CHKA: variants seen among roughly 807,000 people sequenced by gnomAD.
CHKA encodes the protein choline kinase alpha, also known as CHETK-alpha.
CHKA carries 34 observed loss-of-function variants against 60.1 expected under a neutral mutation model. The observed-to-expected ratio is 0.57, with a 90% confidence interval of 0.43 to 0.75. The LOEUF (loss-of-function observed/expected upper bound fraction) is 0.75, where lower values mean the gene tolerates loss of function less well. Ranked by LOEUF, CHKA falls within the 30% of genes least tolerant of loss-of-function variation. The pLI is 0.00. For missense variants in CHKA, 563 were observed against 561.3 expected, an observed-to-expected ratio of 1.00 and a Z score of -0.03; for synonymous variants, 217 against 223.1, an observed-to-expected ratio of 0.97 and a Z score of 0.24.
Position 68,121,112 on chromosome 11 carries a change from G to A in CHKA, c.66C>T (p.Cys22=). ...EPSPLGLLLS[C]GSGSAAPAPG... Reference sequence around the variant, plus strand: ...GCGCCGGGGCCGCGCTGCCGCTACCGCAGCTCAGCAGCAGCCCGAGCGGCG... The same window carrying A: ...GCGCCGGGGCCGCGCTGCCGCTACCACAGCTCAGCAGCAGCCCGAGCGGCG... The change falls in exon 1 of 12, where the codon TGC becomes TGT. Residue 22 remains cysteine, a synonymous_variant. Transcript: ENST00000265689. 3 of 1,176,684 alleles carry A rather than the reference G, an allele frequency of 2.5e-6. No homozygotes were observed. Among genetic ancestry groups the A allele is most frequent in the Non-Finnish European group, 3.2e-6 (3 of 950,340 alleles). The allele number at this position is 1,176,684 out of a possible 1,614,324, so 72.9% of individuals were successfully genotyped here.
chr11:68,081,716 G>A (rs909895292), intron 2 of CHKA: 3 of 379,530 alleles, frequency 7.9e-6, no homozygotes, highest in South Asian at 3.6e-5. Flanking sequence ...TCTCACAGCC[G>A]CCCCATGTAC....
At chr11:68,064,117 G>C (rs1856353759) in intron 10 of CHKA, among the ~76,000 whole-genome samples, 1 of 152,186 alleles carries the variant, frequency 6.6e-6, no homozygotes, top group Non-Finnish European at 1.5e-5. Context: ...CGATTAAAAA[G>C]AAGCTCCTAG....
chr11:68,106,317 A>T (rs558188982), intron 1 of CHKA, among the ~76,000 whole-genome samples: 42 of 152,232 alleles, frequency 2.8e-4, no homozygotes, highest in Non-Finnish European at 5.1e-4. Context: ...TCAGGAGGTC[A>T]AGGTGAAAGG....
rs561045165 is a variant in CHKA at position 68,054,922 on chromosome 11, G to T, written c.1315-875C>A. Among the ~76,000 whole-genome samples, 281 of 152,324 alleles carry T rather than the reference G, an allele frequency of 1.8e-3. 2 individuals carry two copies. Among genetic ancestry groups the T allele is most frequent in the Middle Eastern group, 6.8e-3 (2 of 294 alleles). On this transcript the variant is annotated intron_variant, in intron 11 of 11. Transcript: ENST00000265689. ...GCACATAAATGCCACTATACAATAT[G>T]CAGCCTCGTGTCTGGCTTCTCACTC...
At chr11:68,095,192 C>T (rs184178587) in intron 2 of CHKA, among the ~76,000 whole-genome samples, 2 of 151,332 alleles carry the variant, frequency 1.3e-5, no homozygotes, top group Non-Finnish European at 2.9e-5. Flanking sequence ...GTCACAAGGT[C>T]AGGAGATCGA....
intron 2 of CHKA, among the ~76,000 whole-genome samples, chr11:68,092,898 T>G (rs1199205780): frequency 1.3e-5 from 2 of 152,066 alleles, no homozygotes; most frequent in Admixed American, 6.6e-5. Flanking sequence ...AAAGAAATAG[T>G]TTTTTTCTAA....
At chr11:68,067,435 T>A (rs1041158780) in intron 7 of CHKA, among the ~76,000 whole-genome samples, 1 of 152,074 alleles carries the variant, frequency 6.6e-6, no homozygotes, top group Non-Finnish European at 1.5e-5. Flanking sequence ...AAACTCCATC[T>A]CCACAAATAA....
intron 10 of CHKA, 67 bp downstream of exon 10, chr11:68,064,458 G>T: frequency 1.4e-6 from 1 of 735,010 alleles, no homozygotes; most frequent in Non-Finnish European, 2.2e-6. Flanking sequence ...TTGCAAGTCA[G>T]CATCTCCCAA....
chr11:68,064,632 C>CT lies in CHKA; in HGVS notation c.1126-2dup. 1 of 1,563,162 alleles carries CT rather than the reference C, an allele frequency of 6.4e-7. No individual in the cohort carries two copies. On this transcript the variant is annotated splice_acceptor_variant, in intron 9 of 11. Coordinates refer to ENST00000265689, the MANE Select transcript of CHKA (RefSeq NM_001277.3). LOFTEE classifies it high-confidence loss of function. Reference sequence around the variant, plus strand: ...GCAAGTAACTGGAAATAAAATGGAGCTTAAAAAAAAGTAATTGTGTTAGGA... The same window carrying CT: ...GCAAGTAACTGGAAATAAAATGGAGCTTTAAAAAAAAGTAATTGTGTTAGGA...
intron 3 of CHKA, among the ~76,000 whole-genome samples, chr11:68,080,077 C>T (rs1176065245): frequency 2.6e-5 from 4 of 152,182 alleles, no homozygotes; most frequent in African/African-American, 7.2e-5. Flanking sequence ...TTTAGCATCA[C>T]GCAGGTCCTG....
chr11:68,118,569 G>T (rs766698098), intron 1 of CHKA, among the ~76,000 whole-genome samples: 2 of 152,116 alleles, frequency 1.3e-5, no homozygotes, highest in East Asian at 3.8e-4. Flanking sequence ...CTCCTTCTCC[G>T]CACCTCCAAA....
intron 1 of CHKA, among the ~76,000 whole-genome samples, chr11:68,099,642 G>T (rs1300926292): frequency 1.3e-5 from 2 of 152,176 alleles, no homozygotes; most frequent in Non-Finnish European, 2.9e-5. Flanking sequence ...GTTAAACTTG[G>T]CGTGGCGCCT....
At chr11:68,095,735 C>CA (rs1329784515) in intron 2 of CHKA, among the ~76,000 whole-genome samples, 2 of 77,120 alleles carry the variant, frequency 2.6e-5, no homozygotes, top group African/African-American at 5.2e-5. Context: ...AAAAAAAAAA[C>CA]AACAGGTATC....
At position 68,120,840 on chromosome 11, in the gene CHKA, A is replaced by G; in HGVS notation, c.338T>C (p.Ile113Thr). 7.6e-7 allele frequency: 1 copy of G among 1,317,042 alleles called. No homozygotes were observed. Among genetic ancestry groups the G allele is most frequent in the Non-Finnish European group, 9.8e-7 (1 of 1,015,856 alleles). 81.6% of individuals were successfully genotyped at this position (1,317,042 alleles called of 1,614,324 possible). A position where few individuals can be genotyped will look rare whatever the true frequency, so the allele number is the denominator to read the frequency against. The stretch of plus-strand genomic sequence containing the variant: ...CGGCGCCACCGACCTGATGACACTG[A>G]TGTGGAACTCGTCCTCGCGGAGGCC... Reference protein sequence around the residue: ...WRGLREDEFHISVIRGGLSNM... With the variant: ...WRGLREDEFHTSVIRGGLSNM... The change falls in exon 1 of 12, where the codon ATC (isoleucine) becomes ACC (threonine). Residue 113 changes from isoleucine to threonine, a missense_variant. Coordinates refer to ENST00000265689, the MANE Select transcript of CHKA (RefSeq NM_001277.3).
At chr11:68,113,806 C>T (rs1432583729) in intron 1 of CHKA, among the ~76,000 whole-genome samples, 1 of 152,018 alleles carries the variant, frequency 6.6e-6, no homozygotes, top group Non-Finnish European at 1.5e-5. Context: ...ACCAGCCTGG[C>T]CAACATGGTG....
chr11:68,101,733 A>T (rs1042671440), intron 1 of CHKA, among the ~76,000 whole-genome samples: 3 of 152,196 alleles, frequency 2.0e-5, no homozygotes, highest in African/African-American at 7.2e-5. Flanking sequence ...TAAAATATTG[A>T]TCAGAGAAAC....
intron 4 of CHKA, among the ~76,000 whole-genome samples, chr11:68,073,351 C>A (rs1856684060): frequency 6.6e-6 from 1 of 152,092 alleles, no homozygotes; most frequent in Non-Finnish European, 1.5e-5. Context: ...TTACAAAATT[C>A]TTTCAAAAAC....
chr11:68,067,128 G>C (rs1205099725), intron 7 of CHKA, among the ~76,000 whole-genome samples: 1 of 152,198 alleles, frequency 6.6e-6, no homozygotes, highest in Non-Finnish European at 1.5e-5. Context: ...CTGCAGGCCT[G>C]CGTTCCTGAG....
intron 7 of CHKA, among the ~76,000 whole-genome samples, chr11:68,067,813 T>A (rs1856492386): frequency 6.6e-6 from 1 of 152,182 alleles, no homozygotes; most frequent in Non-Finnish European, 1.5e-5. Context: ...CCTCCTTGAG[T>A]TAGCCAGCGA....
Sources: allele counts gnomAD v4.1 joint callset (sites outside exome capture counted in the v4.1 genomes callset), GRCh38; gene constraint gnomAD v4.1.1; transcripts MANE v1.5; gene names NCBI Gene and HGNC (gene_info 2026-07-23, HGNC 2026-07-21).